The following PIEZO2 variants were observed in gnomAD, a reference collection of about 807,000 sequenced individuals.
The protein encoded by PIEZO2 is piezo-type mechanosensitive ion channel component 2.
In PIEZO2, 172 loss-of-function variants were observed where a neutral mutation model predicts 337.3. That is an observed-to-expected ratio of 0.51 (90% CI 0.45 to 0.58). The LOEUF (loss-of-function observed/expected upper bound fraction) is 0.58, where lower values mean the gene tolerates loss of function less well. PIEZO2 is among the 20% of genes least tolerant of loss of function. The pLI is 0.00. For missense variants in PIEZO2, 3,028 were observed against 3,391.3 expected (o/e 0.89, Z 2.66); for synonymous variants, 1,251 against 1,228.5 (o/e 1.02, Z -0.38).
At chr18:10,946,234 T>G (rs1166298814) in intron 3 of PIEZO2, among the ~76,000 whole-genome samples, 5 of 152,214 alleles carry the variant, frequency 3.3e-5, no homozygotes, top group Non-Finnish European at 5.9e-5. Flanking sequence ...ATAAAAGTCA[T>G]GTTGCAGGCA....
intron 4 of PIEZO2, among the ~76,000 whole-genome samples, chr18:10,874,690 C>G (rs1342319578): frequency 6.6e-6 from 1 of 151,992 alleles, no homozygotes; most frequent in Non-Finnish European, 1.5e-5. Context: ...AACTAGAGGT[C>G]ATTATTTTAA....
rs1326361852 is a variant in PIEZO2 at position 10,819,791 on chromosome 18, C to A, written c.918-12517G>T. On this transcript the variant is annotated intron_variant, in intron 7 of 55. Transcript: ENST00000674853. The surrounding 1 kb of genome is among the most constrained non-coding windows in gnomAD (Gnocchi z 4.3). ...AGAGCTTGTAATTTGTAGAGCTAAG[C>A]TTCTACCTGAAATCATTTTCCTTAA... Among the ~76,000 whole-genome samples, 1 of 152,170 alleles carries A rather than the reference C, an allele frequency of 6.6e-6. No individual in the cohort carries two copies. The highest frequency in any genetic ancestry group is 1.5e-5 in the Non-Finnish European group (1 of 68,024).
chr18:11,043,744 A>G (rs184322611), intron 2 of PIEZO2, among the ~76,000 whole-genome samples: 158 of 151,942 alleles, frequency 1.0e-3, no homozygotes, highest in Non-Finnish European at 1.8e-3. Flanking sequence ...GCCCAGGCTC[A>G]TTGCAACCTC....
intron 2 of PIEZO2, among the ~76,000 whole-genome samples, chr18:11,030,745 C>A (rs1344394282): frequency 6.6e-6 from 1 of 152,112 alleles, no homozygotes; most frequent in Non-Finnish European, 1.5e-5. Context: ...GGGCCAGGAG[C>A]ATCCAAAAGA....
chr18:11,091,383 C>CAAAAAAAAA (rs529307821), intron 1 of PIEZO2, among the ~76,000 whole-genome samples: 1 of 77,830 alleles, frequency 1.3e-5, no homozygotes, highest in Non-Finnish European at 2.8e-5. Context: ...GACTCCGTCT[C>CAAAAAAAAA]AAAAAAAAAA....
At chr18:10,931,050 G>A (rs559109978) in intron 3 of PIEZO2, among the ~76,000 whole-genome samples, 1 of 152,062 alleles carries the variant, frequency 6.6e-6, no homozygotes, top group Non-Finnish European at 1.5e-5. Flanking sequence ...ACTCTGACAT[G>A]TAACTGTATT....
chr18:10,898,719 A>G (rs905754890), intron 4 of PIEZO2, among the ~76,000 whole-genome samples: 2 of 152,170 alleles, frequency 1.3e-5, no homozygotes, highest in Non-Finnish European at 2.9e-5. Context: ...TTCCCAGGGA[A>G]GGGAGGGTTA....
intron 28 of PIEZO2, among the ~76,000 whole-genome samples, 168 bp downstream of exon 28, chr18:10,752,468 G>A (rs973397146): frequency 3.3e-5 from 5 of 152,220 alleles, no homozygotes; most frequent in African/African-American, 7.2e-5. Context: ...TCTGTTTAAC[G>A]TGGCAAGACA....
Position 10,888,883 on chromosome 18 carries a change from C to T in PIEZO2, c.330-17468G>A, listed in dbSNP as rs2042680994. ...ATACAGGGTACACTTCCACCAACAC[C>T]TCCATGCAACCCCTCTCCCTCAACA... is the stretch of plus-strand genomic sequence containing the variant. On this transcript the variant is annotated intron_variant, in intron 4 of 55. Transcript: ENST00000674853. This position sits in a 1 kb window ranked among gnomAD's most constrained non-coding sequence, Gnocchi z 4.1. Among the ~76,000 whole-genome samples, 1 of 151,886 alleles carries T rather than the reference C, an allele frequency of 6.6e-6. No homozygotes were observed. The highest frequency in any genetic ancestry group is 1.5e-5 in the Non-Finnish European group (1 of 68,030).
chr18:10,870,710 C>T lies in PIEZO2; in HGVS notation c.492+543G>A, dbSNP rs1285242115. Among the ~76,000 whole-genome samples the T allele has an allele frequency of 6.6e-6, 1 of 152,094 alleles. No individual in the cohort carries two copies. Among genetic ancestry groups the T allele is most frequent in the Non-Finnish European group, 1.5e-5 (1 of 68,028 alleles). The stretch of plus-strand genomic sequence containing the variant: ...CATACATCTCGTTCATTATTTTTAC[C>T]TTTTTAAAATTCTCACACTTTTCCA... On this transcript the variant is annotated intron_variant, in intron 5 of 55. Transcript: ENST00000674853. This position sits in a 1 kb window ranked among gnomAD's most constrained non-coding sequence, Gnocchi z 5.3.
At chr18:11,029,179 G>A (rs1304831046) in intron 2 of PIEZO2, among the ~76,000 whole-genome samples, 1 of 152,104 alleles carries the variant, frequency 6.6e-6, no homozygotes, top group African/African-American at 2.4e-5. Flanking sequence ...CACTTGCCAG[G>A]TTCCCTGCCA....
intron 3 of PIEZO2, among the ~76,000 whole-genome samples, chr18:10,934,677 G>GTGTGTA (rs1490853559): frequency 6.7e-6 from 1 of 149,092 alleles, no homozygotes; most frequent in African/African-American, 2.5e-5. Context: ...GTGTGTGTGT[G>GTGTGTA]TGTGTTGGGC....
intron 47 of PIEZO2, 141 bp from the exon 48 acceptor site, chr18:10,691,524 G>A (rs960139166): frequency 9.5e-6 from 8 of 844,780 alleles, no homozygotes; most frequent in African/African-American, 1.7e-5. Flanking sequence ...TCTACACATA[G>A]TGGATCACTT....
At position 10,967,009 on chromosome 18, in the gene PIEZO2, C is replaced by CT. The variant is rs1261329136; in HGVS notation, c.286+12525dup. ...TATGTGTATATATACCACATTTTCT[C>CT]TGTTTTTTGTTTTTTTTTTTTTTTT... On this transcript the variant is annotated intron_variant, in intron 3 of 55. Transcript: ENST00000674853. Among the ~76,000 whole-genome samples the CT allele has an allele frequency of 6.7e-5, 9 of 133,748 alleles. 1 individual carries two copies. Among genetic ancestry groups the CT allele is most frequent in the East Asian group, 2.1e-4 (1 of 4,722 alleles). 87.7% of individuals were successfully genotyped at this position (133,748 alleles called of 152,430 possible).
intron 2 of PIEZO2, among the ~76,000 whole-genome samples, chr18:11,034,132 T>C (rs1429877883): frequency 1.3e-5 from 2 of 152,114 alleles, no homozygotes; most frequent in Non-Finnish European, 2.9e-5. Flanking sequence ...TGTACACTTC[T>C]TCAATAAATT....
At chr18:10,688,180 T>C (rs190026183) in intron 49 of PIEZO2, among the ~76,000 whole-genome samples, 1 of 152,048 alleles carries the variant, frequency 6.6e-6, no homozygotes, top group Admixed American at 6.5e-5. Flanking sequence ...TGACAGGCCC[T>C]GGTGTGTGAT....
In PIEZO2 at chr18:10,952,670, G is replaced by C. The variant is rs463866; in HGVS notation, c.286+26865C>G. Among the ~76,000 whole-genome samples, 64,303 of 152,052 alleles carry C rather than the reference G, an allele frequency of 0.42. 14,452 individuals carry two copies. The highest frequency in any genetic ancestry group is 0.51 in the Non-Finnish European group (34,702 of 67,946). On this transcript the variant is annotated intron_variant, in intron 3 of 55. Coordinates refer to ENST00000674853, the MANE Select transcript of PIEZO2 (RefSeq NM_001378183.1). This position sits in a 1 kb window ranked among gnomAD's most constrained non-coding sequence, Gnocchi z 4.1. ...TTAAACATTTGCTTAAAATTTTAAA[G>C]TCAAATTTTCACTTCACCGGAGGAA... is the stretch of plus-strand genomic sequence containing the variant.
In PIEZO2 at chr18:10,783,131, T is replaced by C. The variant is rs918365526; in HGVS notation, c.2492+1653A>G. Among the ~76,000 whole-genome samples, 11 of 152,142 alleles carry C rather than the reference T, an allele frequency of 7.2e-5. No individual in the cohort carries two copies. Among genetic ancestry groups the C allele is most frequent in the African/African-American group, 2.7e-4 (11 of 41,438 alleles). On this transcript the variant is annotated intron_variant, in intron 17 of 55. Coordinates refer to ENST00000674853, the MANE Select transcript of PIEZO2 (RefSeq NM_001378183.1). This position sits in a 1 kb window ranked among gnomAD's most constrained non-coding sequence, Gnocchi z 4.3. ...GAATATGCAAGAGAAGAAATGGCAT[T>C]TGGAAGAAAAAAAAGATTTTTTTTT...
At chr18:10,725,427 T>C (rs2036495070) in intron 36 of PIEZO2, 3 of 1,601,654 alleles carry the variant, frequency 1.9e-6, no homozygotes, top group African/African-American at 1.3e-5. Context: ...AGCCCGCCAG[T>C]ACTGGTTGGA....
Sources: gnomAD v4.1 joint callset for allele counts (sites outside exome capture counted in the v4.1 genomes callset) on GRCh38, gnomAD v4.1.1 for gene constraint, Gnocchi (gnomAD v3.1) non-coding constraint, MANE v1.5 for transcripts, NCBI Gene and HGNC (gene_info 2026-07-23, HGNC 2026-07-21) for gene names.